USP46: variants seen among roughly 807,000 people sequenced by gnomAD.
USP46 encodes ubiquitin specific peptidase 46.
In USP46, 12 loss-of-function variants were observed where a neutral mutation model predicts 44.4. The ratio of observed to expected loss-of-function variants is 0.27; its 90% CI spans 0.17 to 0.44. The LOEUF (loss-of-function observed/expected upper bound fraction) is 0.44, where lower values mean the gene tolerates loss of function less well. USP46 is among the 20% of genes least tolerant of loss of function. The pLI, the probability that USP46 is intolerant of heterozygous loss-of-function variation, is 1.00. For missense variants in USP46, 248 were observed against 444.8 expected (o/e 0.56, Z 3.98); for synonymous variants, 155 against 161.5 (o/e 0.96, Z 0.31).
At chr4:52,611,619 G>A (rs1474311371) in intron 4 of USP46, among the ~76,000 whole-genome samples, 1 of 152,156 alleles carries the variant, frequency 6.6e-6, no homozygotes, top group African/African-American at 2.4e-5. Flanking sequence ...AGGCGTGGTG[G>A]CTCACACCTG....
chr4:52,649,571 C>T (rs1465658916), intron 1 of USP46, among the ~76,000 whole-genome samples: 2 of 152,192 alleles, frequency 1.3e-5, no homozygotes, highest in Non-Finnish European at 2.9e-5. Context: ...AGTGCAAAAT[C>T]TCCGCCCTGC....
At chr4:52,634,352 T>C (rs1329496127) in intron 1 of USP46, among the ~76,000 whole-genome samples, 3 of 148,826 alleles carry the variant, frequency 2.0e-5, no homozygotes, top group Non-Finnish European at 4.5e-5. Flanking sequence ...CTACTAAAAA[T>C]ACAAAAATTG....
chr4:52,595,255 T>A lies in USP46; in HGVS notation c.*2385A>T, dbSNP rs1716179821. The A allele has an allele frequency of 6.6e-6, 1 of 152,620 alleles. No homozygotes were observed. Among genetic ancestry groups the A allele is most frequent in the African/African-American group, 2.4e-5 (1 of 41,446 alleles). 9.5% of individuals were successfully genotyped at this position (152,620 alleles called of 1,614,324 possible). ...GAATGAGGGATGTAAACTAAAAGTG[T>A]TTGCATGTTACTGTCTTTACATAAA... On this transcript the variant is annotated 3_prime_UTR_variant, in exon 9 of 9. Transcript: ENST00000441222.
intron 1 of USP46, among the ~76,000 whole-genome samples, chr4:52,654,667 A>G (rs2109376274): frequency 1.3e-5 from 2 of 152,264 alleles, no homozygotes; most frequent in South Asian, 4.2e-4. Context: ...AAGTACTGGT[A>G]TTACCAGTGA....
rs1716287150 is a variant in USP46 at position 52,597,428 on chromosome 4, T to C, written c.*212A>G. The stretch of plus-strand genomic sequence containing the variant: ...TATTCATATAAATCAGACTACAATC[T>C]GATTGCAGTTAACTCTATGTCAGAC... On this transcript the variant is annotated 3_prime_UTR_variant, in exon 9 of 9. Transcript: ENST00000441222. The C allele has an allele frequency of 4.1e-6, 2 of 490,816 alleles. No individual in the cohort carries two copies. The highest frequency in any genetic ancestry group is 7.2e-6 in the Non-Finnish European group (2 of 279,116). The allele number at this position is 490,816 out of a possible 1,614,324, so 30.4% of individuals were successfully genotyped here.
chr4:52,638,938 C>T (rs1215492781), intron 1 of USP46, among the ~76,000 whole-genome samples: 2 of 152,112 alleles, frequency 1.3e-5, no homozygotes, highest in African/African-American at 4.8e-5. Context: ...CTTTTATAGA[C>T]ACATACTCTA....
In USP46 at chr4:52,596,468, G is replaced by T. The variant is rs1490561131; in HGVS notation, c.*1172C>A. 2 of 152,154 alleles carry T rather than the reference G, an allele frequency of 1.3e-5. No individual in the cohort carries two copies. Among genetic ancestry groups the T allele is most frequent in the African/African-American group, 4.8e-5 (2 of 41,416 alleles). 9.4% of individuals were successfully genotyped at this position (152,154 alleles called of 1,614,324 possible). A position where few individuals can be genotyped will look rare whatever the true frequency, so the allele number is the denominator to read the frequency against. ...GGTTCTTCCAAAAAAATTCTGTCTT[G>T]TCAAGCATTCTAGGAGTCTGAGCCA... On this transcript the variant is annotated 3_prime_UTR_variant, in exon 9 of 9. Coordinates refer to ENST00000441222, the MANE Select transcript of USP46 (RefSeq NM_022832.4).
At chr4:52,638,655 T>G (rs1718212661) in intron 1 of USP46, among the ~76,000 whole-genome samples, 1 of 148,578 alleles carries the variant, frequency 6.7e-6, no homozygotes, top group African/African-American at 2.4e-5. Flanking sequence ...TATATATTTT[T>G]TTTATGAAAA....
At chr4:52,637,160 C>A (rs1177932681) in intron 1 of USP46, among the ~76,000 whole-genome samples, 2 of 152,170 alleles carry the variant, frequency 1.3e-5, no homozygotes, top group Non-Finnish European at 2.9e-5. Context: ...CCAAATCACT[C>A]CTCGAAAAGC....
chr4:52,626,363 G>A (rs780031464), intron 3 of USP46, 116 bp from the exon 4 acceptor site: 67 of 847,430 alleles, frequency 7.9e-5, no homozygotes, highest in South Asian at 5.4e-4. Context: ...TCGCTGTGTC[G>A]CCAGGCTAGA....
intron 5 of USP46, among the ~76,000 whole-genome samples, chr4:52,607,824 T>A (rs994627664): frequency 6.6e-6 from 1 of 152,166 alleles, no homozygotes; most frequent in Non-Finnish European, 1.5e-5. Context: ...CTGCCATAAT[T>A]GTAAGTTTCC....
At chr4:52,638,762 G>T (rs1273289998) in intron 1 of USP46, among the ~76,000 whole-genome samples, 1 of 151,942 alleles carries the variant, frequency 6.6e-6, no homozygotes, top group African/African-American at 2.4e-5. Context: ...AATACCTGCT[G>T]CATGGACTGA....
intron 4 of USP46, among the ~76,000 whole-genome samples, chr4:52,622,468 T>C (rs759627629): frequency 3.9e-5 from 6 of 152,228 alleles, no homozygotes; most frequent in Admixed American, 1.3e-4. Context: ...CATATAGTTT[T>C]CTTCTTCAAG....
chr4:52,629,761 C>T (rs529230761), intron 2 of USP46: 27 of 456,082 alleles, frequency 5.9e-5, no homozygotes, highest in Middle Eastern at 3.3e-4. Context: ...TTTAAATAGG[C>T]GCTCTCATTT....
chr4:52,620,557 C>A (rs539358360), intron 4 of USP46, among the ~76,000 whole-genome samples: 27 of 152,202 alleles, frequency 1.8e-4, no homozygotes, highest in East Asian at 3.9e-4. Flanking sequence ...GGGAAAAAAA[C>A]CCCACATATT....
intron 1 of USP46, among the ~76,000 whole-genome samples, chr4:52,633,362 T>C (rs1717988617): frequency 6.6e-6 from 1 of 152,188 alleles, no homozygotes; most frequent in African/African-American, 2.4e-5. Context: ...TAGGATAGTT[T>C]CCATGTCTTT....
chr4:52,649,958 C>T (rs1470860111), intron 1 of USP46, among the ~76,000 whole-genome samples: 1 of 152,186 alleles, frequency 6.6e-6, no homozygotes, highest in African/African-American at 2.4e-5. Flanking sequence ...TATCTACATA[C>T]TGTCAGAAAC....
chr4:52,646,554 T>G (rs1718556789), intron 1 of USP46, among the ~76,000 whole-genome samples: 1 of 152,222 alleles, frequency 6.6e-6, no homozygotes, highest in Non-Finnish European at 1.5e-5. Flanking sequence ...ATTTTGTATC[T>G]GTCAAGTTTA....
intron 1 of USP46, chr4:52,656,576 G>T: frequency 7.5e-7 from 1 of 1,330,268 alleles, no homozygotes; most frequent in Non-Finnish European, 9.6e-7. Context: ...TAAACACCTG[G>T]TAGATGACAT....
Sources: allele counts gnomAD v4.1 joint callset (sites outside exome capture counted in the v4.1 genomes callset), GRCh38; gene constraint gnomAD v4.1.1; transcripts MANE v1.5; gene names NCBI Gene and HGNC (gene_info 2026-07-23, HGNC 2026-07-21).